SPMIP2: variants seen among roughly 807,000 people sequenced by gnomAD.
The protein encoded by SPMIP2 is sperm microtubule inner protein 2, also known as protein SPMIP2.
chr4:158,899,185 C>T, the SPMIP2 span, among the ~76,000 whole-genome samples: 3 of 152,200 alleles, frequency 2.0e-5, no homozygotes, highest in East Asian at 3.9e-4. Context: ...GTCTTGCATC[C>T]CAGGGATGAA....
chr4:158,894,915 A>G, the SPMIP2 span, among the ~76,000 whole-genome samples: 6 of 152,322 alleles, frequency 3.9e-5, 1 homozygote, highest in South Asian at 1.2e-3. Context: ...AACATTTTCA[A>G]ATGCATCTGT....
the SPMIP2 span, among the ~76,000 whole-genome samples, chr4:158,943,823 G>T: frequency 6.8e-6 from 1 of 147,164 alleles, no homozygotes; most frequent in Non-Finnish European, 1.5e-5. Flanking sequence ...CCTACACTTG[G>T]CCCTTCATCT....
At chr4:158,976,659 ATT>A in the SPMIP2 span, among the ~76,000 whole-genome samples, 400 of 94,666 alleles carry the variant, frequency 4.2e-3, 2 homozygotes, top group African/African-American at 0.018. Context: ...ATGGATAAGC[ATT>A]TTTTTTTTTT....
At chr4:158,956,833 C>A in the SPMIP2 span, among the ~76,000 whole-genome samples, 1 of 152,214 alleles carries the variant, frequency 6.6e-6, no homozygotes, top group Non-Finnish European at 1.5e-5. Context: ...CCCCAGCTCT[C>A]CATAATTACA....
At chr4:159,013,531 A>G in the SPMIP2 span, among the ~76,000 whole-genome samples, 1 of 152,248 alleles carries the variant, frequency 6.6e-6, no homozygotes, top group African/African-American at 2.4e-5. Context: ...CATGTCCTCA[A>G]ATGGCTTTTC....
At chr4:159,053,334 G>C in the SPMIP2 span, among the ~76,000 whole-genome samples, 1 of 152,088 alleles carries the variant, frequency 6.6e-6, no homozygotes, top group African/African-American at 2.4e-5. Flanking sequence ...CATTCTTTTG[G>C]GTTAAATGGT....
the SPMIP2 span, among the ~76,000 whole-genome samples, chr4:158,952,909 T>G: frequency 2.6e-5 from 4 of 152,190 alleles, no homozygotes; most frequent in African/African-American, 9.7e-5. Context: ...TGATTTAGCG[T>G]ATCTGGTGGA....
the SPMIP2 span, among the ~76,000 whole-genome samples, chr4:158,898,764 A>G: frequency 2.0e-5 from 3 of 152,206 alleles, no homozygotes; most frequent in Admixed American, 6.5e-5. Flanking sequence ...CAAATATACA[A>G]TCATGTCATC....
the SPMIP2 span, among the ~76,000 whole-genome samples, chr4:158,932,568 G>C: frequency 6.6e-6 from 1 of 151,952 alleles, no homozygotes; most frequent in East Asian, 1.9e-4. Context: ...TCTATCGACT[G>C]TTTTTTTCAC....
At chr4:159,046,564 T>TTTTG in the SPMIP2 span, among the ~76,000 whole-genome samples, 1 of 152,162 alleles carries the variant, frequency 6.6e-6, no homozygotes, top group Non-Finnish European at 1.5e-5. Context: ...TTGTTTTGTT[T>TTTTG]TTTGTTTGTT....
the SPMIP2 span, among the ~76,000 whole-genome samples, chr4:158,922,168 G>T: frequency 6.6e-6 from 1 of 152,202 alleles, no homozygotes; most frequent in African/African-American, 2.4e-5. Flanking sequence ...GATTACAGGC[G>T]TGAGCCACCG....
the SPMIP2 span, among the ~76,000 whole-genome samples, chr4:158,956,966 C>T: frequency 6.6e-6 from 1 of 152,126 alleles, no homozygotes; most frequent in Non-Finnish European, 1.5e-5. Context: ...GAGTCTCGCT[C>T]TATTGCCCAG....
the SPMIP2 span, among the ~76,000 whole-genome samples, chr4:158,984,950 T>C: frequency 2.0e-5 from 3 of 151,816 alleles, no homozygotes; most frequent in Non-Finnish European, 4.4e-5. Context: ...ATAAAGGGGA[T>C]ATCACCACCG....
chr4:158,944,966 G>A, the SPMIP2 span, among the ~76,000 whole-genome samples: 1 of 152,074 alleles, frequency 6.6e-6, no homozygotes, highest in African/African-American at 2.4e-5. Flanking sequence ...TAAAGGGATG[G>A]GTGGACAAAA....
the SPMIP2 span, among the ~76,000 whole-genome samples, chr4:158,919,761 A>C: frequency 6.6e-6 from 1 of 152,140 alleles, no homozygotes; most frequent in Non-Finnish European, 1.5e-5. Flanking sequence ...CATCACCAAC[A>C]TTGTTCATTT....
the SPMIP2 span, among the ~76,000 whole-genome samples, chr4:159,019,368 A>G: frequency 6.6e-6 from 1 of 151,276 alleles, no homozygotes; most frequent in Non-Finnish European, 1.5e-5. Flanking sequence ...ATAATTGCAC[A>G]AGATTTCCTC....
chr4:159,044,056 A>G, the SPMIP2 span, among the ~76,000 whole-genome samples: 2 of 152,188 alleles, frequency 1.3e-5, no homozygotes, highest in Non-Finnish European at 2.9e-5. Flanking sequence ...TTCGTTTTTT[A>G]GCAAATTCAG....
At chr4:158,942,812 T>C in the SPMIP2 span, among the ~76,000 whole-genome samples, 274 of 152,108 alleles carry the variant, frequency 1.8e-3, no homozygotes, top group African/African-American at 4.9e-3. Flanking sequence ...AAAAAACAAA[T>C]AGGTAATCCC....
At chr4:158,968,670 G>A in the SPMIP2 span, among the ~76,000 whole-genome samples, 2 of 152,138 alleles carry the variant, frequency 1.3e-5, no homozygotes, top group Admixed American at 6.5e-5. Flanking sequence ...CTCACCTGTT[G>A]ATACCTCAGT....
Sources: gnomAD v4.1 joint callset for allele counts (sites outside exome capture counted in the v4.1 genomes callset) on GRCh38, gnomAD v4.1.1 for gene constraint, MANE v1.5 for transcripts, NCBI Gene and HGNC (gene_info 2026-07-23, HGNC 2026-07-21) for gene names.